The following SPTB variants were observed in gnomAD, a reference collection of about 807,000 sequenced individuals.
SPTB encodes the protein spectrin beta chain, erythrocytic.
Under a neutral mutation model 256.2 loss-of-function variants are expected in SPTB, and 45 were observed. The ratio of observed to expected loss-of-function variants is 0.18; its 90% CI spans 0.14 to 0.23. SPTB has a LOEUF of 0.23. Ranked by LOEUF, SPTB falls within the 10% of genes least tolerant of loss-of-function variation. The probability of loss-of-function intolerance (pLI) is 1.00; values close to 1 mark genes in which losing one functional copy is unlikely to be tolerated. For missense variants in SPTB, 2,715 were observed against 3,040.4 expected, an observed-to-expected ratio of 0.89 and a Z score of 2.52; for synonymous variants, 1,231 against 1,243.1, an observed-to-expected ratio of 0.99 and a Z score of 0.21.
Position 64,827,557 on chromosome 14 carries a change from T to A in SPTB, c.-51-4412A>T, listed in dbSNP as rs1197550966. Among the ~76,000 whole-genome samples the A allele has an allele frequency of 6.6e-6, 1 of 152,136 alleles. No homozygotes were observed. The highest frequency in any genetic ancestry group is 1.5e-5 in the Non-Finnish European group (1 of 68,028). ...TAAATCCTGAAGTTTCTCTGGTAAT[T>A]TTTCTGTCAATCCATCACCAAAAAA... is the stretch of plus-strand genomic sequence containing the variant. On this transcript the variant is annotated intron_variant, in intron 1 of 35. Transcript: ENST00000644917. The surrounding 1 kb of genome is among the most constrained non-coding windows in gnomAD (Gnocchi z 4.6).
intron 15 of SPTB, among the ~76,000 whole-genome samples, chr14:64,788,386 T>C (rs1301890095): frequency 6.6e-6 from 1 of 152,096 alleles, no homozygotes; most frequent in Non-Finnish European, 1.5e-5. Context: ...CAGCAGCCAG[T>C]ATGATTTGAA....
rs760848754 is a variant in SPTB, at chr14:64,767,364, G to A, written c.6220-12C>T. On this transcript the variant is annotated splice_polypyrimidine_tract_variant and intron_variant, in intron 30 of 35. Transcript: ENST00000644917. The stretch of plus-strand genomic sequence containing the variant: ...TCTTTCAGCTCAAGCTAGAGGAGGA[G>A]AAGGCCCAGGGGTCAGAGCAGCCAC... 6.2e-7 allele frequency: 1 copy of A among 1,613,980 alleles called. No individual in the cohort carries two copies. Among genetic ancestry groups the A allele is most frequent in the South Asian group, 1.1e-5 (1 of 91,080 alleles).
rs1046691525 is a variant in SPTB at position 64,806,416 on chromosome 14, G to A, written c.149-1326C>T. ...ATCACAGCCAGGACATACCTGGAGT[G>A]GCCTAGCCAGGAGCGGGGTCTGCCC... is the stretch of plus-strand genomic sequence containing the variant. On this transcript the variant is annotated intron_variant, in intron 2 of 35. Coordinates refer to ENST00000644917, the MANE Select transcript of SPTB (RefSeq NM_001355436.2). The surrounding 1 kb of genome is among the most constrained non-coding windows in gnomAD (Gnocchi z 4.1). Among the ~76,000 whole-genome samples the A allele has an allele frequency of 6.6e-6, 1 of 152,216 alleles. No individual in the cohort carries two copies.
At chr14:64,867,859 CAAAAAAAAAAAAA>C (rs35825614) in intron 1 of SPTB, among the ~76,000 whole-genome samples, 3 of 124,078 alleles carry the variant, frequency 2.4e-5, no homozygotes, top group African/African-American at 7.8e-5. Flanking sequence ...GACTCTGTCT[CAAAAAAAAAAAAA>C]AAAAAAAAAA....
chr14:64,862,436 C>T (rs1170622525), intron 1 of SPTB, among the ~76,000 whole-genome samples: 3 of 151,722 alleles, frequency 2.0e-5, no homozygotes, highest in Non-Finnish European at 4.4e-5. Context: ...CAAATATTTC[C>T]GAGAACAAAA....
At chr14:64,789,536 G>A (rs1022714172) in intron 15 of SPTB, among the ~76,000 whole-genome samples, 4 of 152,156 alleles carry the variant, frequency 2.6e-5, no homozygotes, top group African/African-American at 9.7e-5. Flanking sequence ...GCTTTCCATG[G>A]GGCGGTCAGC....
intron 1 of SPTB, among the ~76,000 whole-genome samples, chr14:64,857,947 G>A (rs1218098799): frequency 2.6e-5 from 4 of 152,244 alleles, no homozygotes; most frequent in South Asian, 2.1e-4. Context: ...TTGTTCACCC[G>A]TCATGTGCCA....
intron 24 of SPTB, 73 bp from the exon 25 acceptor site, chr14:64,773,497 C>T: frequency 1.4e-6 from 2 of 1,480,146 alleles, no homozygotes; most frequent in East Asian, 2.3e-5. Flanking sequence ...AGGGAGCCAA[C>T]ATATGCCAAC....
chr14:64,795,940 C>T lies in SPTB; in HGVS notation c.1342-301G>A, dbSNP rs575252255. Among the ~76,000 whole-genome samples the T allele has an allele frequency of 6.6e-6, 1 of 152,290 alleles. No individual in the cohort carries two copies. The highest frequency in any genetic ancestry group is 2.1e-4 in the South Asian group (1 of 4,824). On this transcript the variant is annotated intron_variant, in intron 11 of 35. Coordinates refer to ENST00000644917, the MANE Select transcript of SPTB (RefSeq NM_001355436.2). The surrounding 1 kb of genome is among the most constrained non-coding windows in gnomAD (Gnocchi z 6.5). ...GCAGCCTGCTGGCACTCCCCACATG[C>T]CTCGAGTGGACCTGTTGGATTTGGG... is the stretch of plus-strand genomic sequence containing the variant.
At chr14:64,774,174 A>G (rs1305013287) in intron 24 of SPTB, among the ~76,000 whole-genome samples, 1 of 152,156 alleles carries the variant, frequency 6.6e-6, no homozygotes, top group Admixed American at 6.5e-5. Flanking sequence ...TTCTCTGATC[A>G]TTTCGAAAAC....
In SPTB at chr14:64,759,452, G is replaced by A. The variant is rs1276520764; in HGVS notation, c.6346-5659C>T. 1.3e-5 allele frequency among the ~76,000 whole-genome samples: 2 copies of A among 152,220 alleles called. No individual in the cohort carries two copies. The highest frequency in any genetic ancestry group is 2.9e-5 in the Non-Finnish European group (2 of 68,040). On this transcript the variant is annotated intron_variant, in intron 32 of 35. Coordinates refer to ENST00000644917, the MANE Select transcript of SPTB (RefSeq NM_001355436.2). The surrounding 1 kb of genome is among the most constrained non-coding windows in gnomAD (Gnocchi z 4.8). ...AGGCTAGCAGCATGGTTTGGCAGGA[G>A]GACCCACCTCCCCTGAGCCTCAAGG... is the stretch of plus-strand genomic sequence containing the variant.
At chr14:64,876,565 C>A (rs150660611) in intron 1 of SPTB, among the ~76,000 whole-genome samples, 305 of 152,276 alleles carry the variant, frequency 2.0e-3, no homozygotes, top group African/African-American at 6.9e-3. Flanking sequence ...TAAAGTCCTT[C>A]CCCATGCCCC....
intron 1 of SPTB, among the ~76,000 whole-genome samples, chr14:64,868,108 T>A (rs923177025): frequency 6.6e-6 from 1 of 151,480 alleles, no homozygotes; most frequent in African/African-American, 2.4e-5. Context: ...CCATTGAGGG[T>A]TTTAAAGCAG....
Position 64,791,765 on chromosome 14 carries a change from G to C in SPTB, c.2758C>G (p.Pro920Ala), listed in dbSNP as rs1401823259. The C allele has an allele frequency of 6.2e-7, 1 of 1,614,056 alleles. No individual in the cohort carries two copies. Among genetic ancestry groups the C allele is most frequent in the South Asian group, 1.1e-5 (1 of 91,074 alleles). ...AANSLVESGH[P>A]RSREVKQYQD... is the part of the protein sequence containing the mutation. Reference sequence around the variant, plus strand: ...TACTGCTTCACCTCCCTGCTGCGTGGGTGGCCACTCTCTACCAAGCTGTTG... The same window carrying C: ...TACTGCTTCACCTCCCTGCTGCGTGCGTGGCCACTCTCTACCAAGCTGTTG... Residue 920 changes from proline (P) to alanine (A), a missense_variant, in exon 15 of 36, where the codon CCA becomes GCA. Coordinates refer to ENST00000644917, the MANE Select transcript of SPTB (RefSeq NM_001355436.2).
At chr14:64,767,210 C>A in intron 31 of SPTB, 93 bp downstream of exon 31, 2 of 1,524,320 alleles carry the variant, frequency 1.3e-6, no homozygotes, top group East Asian at 2.2e-5. Context: ...AAGTCAAATG[C>A]AACTGGTCCC....
intron 31 of SPTB, 82 bp from the exon 32 acceptor site, chr14:64,766,883 GC>G: frequency 6.4e-7 from 1 of 1,551,372 alleles, no homozygotes; most frequent in Non-Finnish European, 8.8e-7. Context: ...TTTCACCTGC[GC>G]CCACAGGGAG....
rs1047991894 is a variant in SPTB at position 64,786,734 on chromosome 14, G to C, written c.3231C>G (p.Leu1077=). The C allele has an allele frequency of 2.5e-6, 4 of 1,614,010 alleles. No homozygotes were observed. Among genetic ancestry groups the C allele is most frequent in the Middle Eastern group, 1.6e-4 (1 of 6,084 alleles). ...LQDLDDFQAW[L]SITQKAVASE... ...AGGCCACAGCCTTCTGGGTGATGGA[G>C]AGCCAGGCCTGGAAGTCATCCAGAT... is the stretch of plus-strand genomic sequence containing the variant. The change falls in exon 16 of 36, where the codon CTC becomes CTG. Residue 1077 remains leucine, a synonymous_variant. Transcript: ENST00000644917. The surrounding 1 kb of genome is among the most constrained non-coding windows in gnomAD (Gnocchi z 5.6).
At chr14:64,861,002 T>C (rs141654655) in intron 1 of SPTB, among the ~76,000 whole-genome samples, 12 of 152,308 alleles carry the variant, frequency 7.9e-5, no homozygotes, top group Non-Finnish European at 1.6e-4. Flanking sequence ...ATATACACCA[T>C]GGAATACTAT....
chr14:64,797,887 T>C (rs1855514293), intron 9 of SPTB, 41 bp from the exon 10 acceptor site: 2 of 1,523,030 alleles, frequency 1.3e-6, no homozygotes, highest in Admixed American at 3.3e-5. Flanking sequence ...TGTTAAGATC[T>C]CATGGCCAAA....
Sources: gnomAD v4.1 joint callset for allele counts (sites outside exome capture counted in the v4.1 genomes callset) on GRCh38, gnomAD v4.1.1 for gene constraint, Gnocchi (gnomAD v3.1) non-coding constraint, MANE v1.5 for transcripts, NCBI Gene and HGNC (gene_info 2026-07-23, HGNC 2026-07-21) for gene names.